Variants in EP400 observed in about 807,000 individuals in gnomAD.
The protein encoded by EP400 is E1A binding protein p400, also known as E1A-binding protein p400.
A neutral mutation model predicts 354.1 loss-of-function variants in EP400; 105 were observed. The observed-to-expected ratio is 0.30, with a 90% CI of 0.25 to 0.35. EP400 has a LOEUF of 0.35. EP400 is among the 10% of genes least tolerant of loss of function. The probability of loss-of-function intolerance (pLI) is 1.00; values close to 1 mark genes in which losing one functional copy is unlikely to be tolerated. For missense variants in EP400, 3,280 were observed against 4,121.0 expected (o/e 0.80, Z 5.59); for synonymous variants, 1,646 against 1,716.9 (o/e 0.96, Z 1.02).
In EP400 at chr12:132,071,243, C is replaced by T. The variant is rs145758805; in HGVS notation, c.9021+1602C>T. Among the ~76,000 whole-genome samples, 5 of 152,184 alleles carry T rather than the reference C, an allele frequency of 3.3e-5. No individual in the cohort carries two copies. The East Asian group carries it at 9.6e-4, about 29-fold the overall frequency. ...GTGTATGAACTCCCTCCCTCCCTTA[C>T]ACATCTCCTTTAGCCTCAAAGCTTT... On this transcript the variant is annotated intron_variant, in intron 51 of 52. Coordinates refer to ENST00000389561, the MANE Select transcript of EP400 (RefSeq NM_015409.5).
intron 1 of EP400, among the ~76,000 whole-genome samples, chr12:131,954,225 TA>T (rs573784636): frequency 0.014 from 1,957 of 142,788 alleles, 29 homozygotes; most frequent in African/African-American, 0.044. Context: ...GTCTTAAAAT[TA>T]AAAAAAAAAA....
Position 132,075,975 on chromosome 12 carries a change from A to G in EP400, c.9022-541A>G, listed in dbSNP as rs1896223746. 1 of 203,138 alleles carries G rather than the reference A, an allele frequency of 4.9e-6. No homozygotes were observed. Among genetic ancestry groups the G allele is most frequent in the Admixed American group, 5.2e-5 (1 of 19,110 alleles). The allele number at this position is 203,138 out of a possible 1,614,324, so 12.6% of individuals were successfully genotyped here. On this transcript the variant is annotated intron_variant, in intron 51 of 52. Coordinates refer to ENST00000389561, the MANE Select transcript of EP400 (RefSeq NM_015409.5). The surrounding 1 kb of genome is among the most constrained non-coding windows in gnomAD (Gnocchi z 4.5). Reference sequence around the variant, plus strand: ...TGCATGCAGTAGCAAGTGCACAGAAAGTGGGCACTGGGTGGAAAGTGTTGC... The same window carrying G: ...TGCATGCAGTAGCAAGTGCACAGAAGGTGGGCACTGGGTGGAAAGTGTTGC...
In EP400 at chr12:132,013,431, C is replaced by G; in HGVS notation, c.3612-59C>G. 2.0e-6 allele frequency: 3 copies of G among 1,508,118 alleles called. No homozygotes were observed. In the South Asian group the frequency reaches 4.0e-5, roughly 20 times the overall value. 93.4% of individuals were successfully genotyped at this position (1,508,118 alleles called of 1,614,324 possible). A position where few individuals can be genotyped will look rare whatever the true frequency, so the allele number is the denominator to read the frequency against. ...TTCTCACACATTGTCAGAGAAGATG[C>G]TGCTGCAGCCAGCCCCGTGGCTGTA... On this transcript the variant is annotated intron_variant, in intron 17 of 52. Transcript: ENST00000389561. This position sits in a 1 kb window ranked among gnomAD's most constrained non-coding sequence, Gnocchi z 4.5.
Position 131,990,219 on chromosome 12 carries a change from C to A in EP400, c.2550+115C>A. 8.0e-7 allele frequency: 1 copy of A among 1,252,390 alleles called. No individual in the cohort carries two copies. The highest frequency in any genetic ancestry group is 1.1e-6 in the Non-Finnish European group (1 of 905,446). The allele number at this position is 1,252,390 out of a possible 1,614,324, so 77.6% of individuals were successfully genotyped here. A position where few individuals can be genotyped will look rare whatever the true frequency, so the allele number is the denominator to read the frequency against. On this transcript the variant is annotated intron_variant, in intron 8 of 52. Coordinates refer to ENST00000389561, the MANE Select transcript of EP400 (RefSeq NM_015409.5). This position sits in a 1 kb window ranked among gnomAD's most constrained non-coding sequence, Gnocchi z 4.2. ...TTAGGAAGCTTTCGAGCACCAGAGT[C>A]AGCAACGTGTGCACTCTCCTGGGCT...
At chr12:131,960,115 G>A (rs1332568470) in intron 1 of EP400, among the ~76,000 whole-genome samples, 1 of 152,248 alleles carries the variant, frequency 6.6e-6, no homozygotes, top group African/African-American at 2.4e-5. Context: ...GGGAGAGACG[G>A]GCGGAAGCCG....
At chr12:131,972,544 A>G (rs1892326751) in intron 2 of EP400, among the ~76,000 whole-genome samples, 1 of 152,064 alleles carries the variant, frequency 6.6e-6, no homozygotes, top group Non-Finnish European at 1.5e-5. Flanking sequence ...CATATGTACT[A>G]ATTTCTGTTT....
In EP400 at chr12:132,050,748, C is replaced by T. The variant is rs552263885; in HGVS notation, c.7394+93C>T. On this transcript the variant is annotated intron_variant, in intron 41 of 52. Transcript: ENST00000389561. The surrounding 1 kb of genome is among the most constrained non-coding windows in gnomAD (Gnocchi z 4.8). ...AGTGAGTTCAGCAAATCGTTGTGCACTTAGCGTGTTCAGGCATCAGCTGGA... is the reference window on the plus strand; with the variant it reads ...AGTGAGTTCAGCAAATCGTTGTGCATTTAGCGTGTTCAGGCATCAGCTGGA... The T allele has an allele frequency of 4.7e-6, 7 of 1,502,464 alleles. No individual in the cohort carries two copies. In the African/African-American group the frequency reaches 8.2e-5, roughly 18 times the overall value. 93.1% of individuals were successfully genotyped at this position (1,502,464 alleles called of 1,614,324 possible). A position where few individuals can be genotyped will look rare whatever the true frequency, so the allele number is the denominator to read the frequency against.
intron 51 of EP400, among the ~76,000 whole-genome samples, chr12:132,071,561 C>T (rs557818294): frequency 2.6e-5 from 4 of 152,214 alleles, no homozygotes; most frequent in African/African-American, 4.8e-5. Flanking sequence ...CTGGAGCAGC[C>T]GCTTCCTGTT....
At chr12:132,048,277 A>G (rs1027534985) in intron 39 of EP400, among the ~76,000 whole-genome samples, 1 of 152,324 alleles carries the variant, frequency 6.6e-6, no homozygotes, top group South Asian at 2.1e-4. Flanking sequence ...TGTCCATGAA[A>G]TCTTCACAAT....
In EP400 at chr12:132,029,861, C is replaced by T; in HGVS notation, c.5542C>T (p.Leu1848=). The change falls in exon 28 of 53, where the codon CTG becomes TTG. Residue 1848 remains leucine, a synonymous_variant. Coordinates refer to ENST00000389561, the MANE Select transcript of EP400 (RefSeq NM_015409.5). The surrounding 1 kb of genome is among the most constrained non-coding windows in gnomAD (Gnocchi z 4.7). The stretch of plus-strand genomic sequence containing the variant: ...GCTGCGGCAGACCACGGCTCCACGC[C>T]TGCTGCAGTTCCCTGAGCTGAGGCT... The part of the protein sequence containing the change: ...QQLRQTTAPR[L]LQFPELRLVQ... 6.2e-7 allele frequency: 1 copy of T among 1,612,928 alleles called. No individual in the cohort carries two copies.
chr12:132,030,681 T>G (rs2136556575), intron 29 of EP400, among the ~76,000 whole-genome samples: 1 of 152,336 alleles, frequency 6.6e-6, no homozygotes, highest in East Asian at 1.9e-4. Flanking sequence ...TTTAGGACCC[T>G]TTACTTACAT....
chr12:132,047,861 A>G (rs1895159476), intron 39 of EP400, among the ~76,000 whole-genome samples: 1 of 152,228 alleles, frequency 6.6e-6, no homozygotes, highest in South Asian at 2.1e-4. Context: ...CGTAAAAGAC[A>G]GCTGCCCCCA....
intron 22 of EP400, among the ~76,000 whole-genome samples, chr12:132,020,850 G>A (rs1054086581): frequency 1.3e-5 from 2 of 152,224 alleles, no homozygotes; most frequent in South Asian, 4.1e-4. Context: ...TCTGAGAAAT[G>A]TACCGCGTAG....
chr12:132,029,910 G>GGCAGTTGGGGGCGTGGCCCGT lies in EP400; in HGVS notation c.5584+10_5584+30dup. 1.2e-6 allele frequency: 2 copies of GGCAGTTGGGGGCGTGGCCCGT among 1,611,802 alleles called. No individual in the cohort carries two copies. The highest frequency in any genetic ancestry group is 1.7e-6 in the Non-Finnish European group (2 of 1,179,380). The stretch of plus-strand genomic sequence containing the variant: ...CTGGTGCAGTTCGACTCAGGTATGC[G>GGCAGTTGGGGGCGTGGCCCGT]GCAGTTGGGGGCGTGGCCCGTGCGG... On this transcript the variant is annotated splice_region_variant and intron_variant, in intron 28 of 52. Transcript: ENST00000389561. This position sits in a 1 kb window ranked among gnomAD's most constrained non-coding sequence, Gnocchi z 4.7.
Position 132,038,063 on chromosome 12 carries a change from C to T in EP400, c.6174C>T (p.Thr2058=), listed in dbSNP as rs762031460. ...VLSQEPSVTE[T]IAPKIARPFI... ...CTCAGGAACCTTCTGTCACGGAAAC[C>T]ATTGCACCCAAAATTGCAAGACCTT... Residue 2058 remains threonine, a synonymous_variant, in exon 32 of 53, where the codon ACC becomes ACT. Transcript: ENST00000389561. The surrounding 1 kb of genome is among the most constrained non-coding windows in gnomAD (Gnocchi z 4.2). 2.5e-6 allele frequency: 4 copies of T among 1,614,192 alleles called. No homozygotes were observed. In the East Asian group the frequency reaches 6.7e-5, roughly 27 times the overall value.
chr12:131,951,240 CG>C (rs1254911412), intron 1 of EP400, among the ~76,000 whole-genome samples: 1 of 151,480 alleles, frequency 6.6e-6, no homozygotes, highest in Non-Finnish European at 1.5e-5. Context: ...TTAGTAGAGA[CG>C]GGGTTTCACT....
chr12:132,057,304 C>T (rs980869563), intron 45 of EP400, among the ~76,000 whole-genome samples: 3 of 152,232 alleles, frequency 2.0e-5, no homozygotes, highest in African/African-American at 7.2e-5. Flanking sequence ...ATGGTACATT[C>T]ATACAGCCCA....
chr12:132,036,920 C>A (rs1351699127), intron 30 of EP400, among the ~76,000 whole-genome samples: 1 of 152,144 alleles, frequency 6.6e-6, no homozygotes, highest in African/African-American at 2.4e-5. Context: ...GTGCTGTTCC[C>A]TATGATGGTT....
chr12:131,953,238 C>G (rs974040488), intron 1 of EP400, among the ~76,000 whole-genome samples: 6 of 152,246 alleles, frequency 3.9e-5, no homozygotes, highest in Admixed American at 2.6e-4. Flanking sequence ...ACAGATGTTC[C>G]TTAGCGGGGC....
Sources: allele counts gnomAD v4.1 joint callset (sites outside exome capture counted in the v4.1 genomes callset), GRCh38; gene constraint gnomAD v4.1.1; non-coding constraint Gnocchi (gnomAD v3.1); transcripts MANE v1.5; gene names NCBI Gene and HGNC (gene_info 2026-07-23, HGNC 2026-07-21).